The following TGFB3 variants were observed in gnomAD, a reference collection of about 807,000 sequenced individuals.
The protein encoded by TGFB3 is transforming growth factor beta-3 proprotein.
In TGFB3, 5 loss-of-function variants were observed where a neutral mutation model predicts 40.1. The observed-to-expected ratio is 0.12, with a 90% CI of 0.07 to 0.26. The LOEUF (loss-of-function observed/expected upper bound fraction) is 0.26. TGFB3 is among the 10% of genes least tolerant of loss of function. The probability of loss-of-function intolerance (pLI) is 1.00; values close to 1 mark genes in which losing one functional copy is unlikely to be tolerated. For synonymous variants in TGFB3, 184 were observed against 205.6 expected, an observed-to-expected ratio of 0.89 and a Z score of 0.90; for missense variants, 373 against 530.1, an observed-to-expected ratio of 0.70 and a Z score of 2.91.
At chr14:75,961,151 C>A in intron 5 of TGFB3, 75 bp from the exon 6 acceptor site, 1 of 1,552,378 alleles carries the variant, frequency 6.4e-7, no homozygotes. Context: ...CTCTCATATT[C>A]TCCCTTGGAG....
intron 3 of TGFB3, among the ~76,000 whole-genome samples, chr14:75,968,068 G>A (rs2035242480): frequency 6.6e-6 from 1 of 152,258 alleles, no homozygotes. Flanking sequence ...ACAAGGGTAT[G>A]AGACCTGGGT....
intron 3 of TGFB3, chr14:75,970,844 A>G (rs912813091): frequency 1.5e-5 from 6 of 406,814 alleles, no homozygotes; most frequent in African/African-American, 1.0e-4. Flanking sequence ...GAATTTCTTC[A>G]TCATAGAGAC....
intron 3 of TGFB3, chr14:75,966,006 C>A (rs2035217162): frequency 5.1e-6 from 2 of 392,910 alleles, no homozygotes; most frequent in Admixed American, 7.5e-5. Flanking sequence ...AAAATTGTCA[C>A]CTACCTACTT....
At chr14:75,970,808 T>A (rs1354384210) in intron 3 of TGFB3, 1 of 365,388 alleles carries the variant, frequency 2.7e-6, no homozygotes, top group Non-Finnish European at 5.3e-6. Flanking sequence ...ATGGGCTAAA[T>A]CCTTATCATT....
Position 75,980,846 on chromosome 14 carries a change from G to T in TGFB3, c.48C>A (p.Asn16Lys), listed in dbSNP as rs759358916. 2 of 1,614,232 alleles carry T rather than the reference G, an allele frequency of 1.2e-6. 1 individual carries two copies. Among genetic ancestry groups the T allele is most frequent in the South Asian group, 2.2e-5 (2 of 91,088 alleles). ...QRALVVLALL[N>K]FATVSLSLST... The stretch of plus-strand genomic sequence containing the variant: ...ACAGAGAGAGGCTGACCGTGGCAAA[G>T]TTCAGCAGGGCCAGGACCACCAGAG... The change falls in exon 1 of 7, where the codon AAC (asparagine) becomes AAA (lysine). Residue 16 changes from asparagine (N) to lysine (K), a missense_variant. Coordinates refer to ENST00000238682, the MANE Select transcript of TGFB3 (RefSeq NM_003239.5). The surrounding 1 kb of genome is among the most constrained non-coding windows in gnomAD (Gnocchi z 4.3).
At position 75,981,503 on chromosome 14, in the gene TGFB3, G is replaced by T. The variant is rs1349008687; in HGVS notation, c.-610C>A. The T allele has an allele frequency of 5.6e-6, 1 of 177,622 alleles. No homozygotes were observed. The highest frequency in any genetic ancestry group is 1.2e-5 in the Non-Finnish European group (1 of 82,546). 11.0% of individuals were successfully genotyped at this position (177,622 alleles called of 1,614,324 possible). A position where few individuals can be genotyped will look rare whatever the true frequency, so the allele number is the denominator to read the frequency against. On this transcript the variant is annotated 5_prime_UTR_variant, in exon 1 of 7. Coordinates refer to ENST00000238682, the MANE Select transcript of TGFB3 (RefSeq NM_003239.5). This position sits in a 1 kb window ranked among gnomAD's most constrained non-coding sequence, Gnocchi z 4.7. ...AGTTGCTGGCCCAGCTAAAGGTGGG[G>T]GCAGTACAGGACACACTTGTCTCTC... is the stretch of plus-strand genomic sequence containing the variant.
chr14:75,976,868 G>C (rs1379788631), intron 1 of TGFB3, among the ~76,000 whole-genome samples: 1 of 152,166 alleles, frequency 6.6e-6, no homozygotes, highest in Non-Finnish European at 1.5e-5. Context: ...TCTAAGAAAA[G>C]TTTCGCCCTA....
At chr14:75,974,090 A>C (rs1482668653) in intron 1 of TGFB3, among the ~76,000 whole-genome samples, 1 of 151,144 alleles carries the variant, frequency 6.6e-6, no homozygotes, top group Admixed American at 6.6e-5. Flanking sequence ...CAATGAGCTG[A>C]GGTGGTGCCA....
Position 75,958,704 on chromosome 14 carries a change from T to TAAAAAAAAAAAAAAA in TGFB3, c.*468_*482dup, listed in dbSNP as rs199646113. On this transcript the variant is annotated 3_prime_UTR_variant, in exon 7 of 7. Coordinates refer to ENST00000238682, the MANE Select transcript of TGFB3 (RefSeq NM_003239.5). ...GGACTTTGTCTTCGTAACCTGTCTT[T>TAAAAAAAAAAAAAAA]AAAAAAAAAAAAAAAATGCTTGCCT... 5.8e-6 allele frequency: 1 copy of TAAAAAAAAAAAAAAA among 172,234 alleles called. No individual in the cohort carries two copies. The allele number at this position is 172,234 out of a possible 1,614,324, so 10.7% of individuals were successfully genotyped here.
At chr14:75,973,615 C>G (rs1228712915) in intron 1 of TGFB3, among the ~76,000 whole-genome samples, 2 of 152,198 alleles carry the variant, frequency 1.3e-5, no homozygotes, top group African/African-American at 4.8e-5. Context: ...TTTGAAGGAG[C>G]TGTTATTGAT....
rs780051351 is a variant in TGFB3 at position 75,971,682 on chromosome 14, T to C, written c.389A>G (p.Lys130Arg). The C allele has an allele frequency of 1.5e-5, 25 of 1,614,274 alleles. No individual in the cohort carries two copies. Among genetic ancestry groups the C allele is most frequent in the South Asian group, 2.2e-5 (2 of 91,088 alleles). ...TGAGGACACATTGAAGCGGAAAACC[T>C]TGGAGGTAATTCCTTTAGGGCAGAC... ...LAVCPKGITS[K>R]VFRFNVSSVE... The change falls in exon 2 of 7, where the codon AAG (lysine) becomes AGG (arginine). Residue 130 changes from lysine to arginine, a missense_variant. Physicochemically the swap from Lys to Arg is conservative, Grantham distance 26. Coordinates refer to ENST00000238682, the MANE Select transcript of TGFB3 (RefSeq NM_003239.5). This position sits in a 1 kb window ranked among gnomAD's most constrained non-coding sequence, Gnocchi z 4.5.
intron 4 of TGFB3, among the ~76,000 whole-genome samples, chr14:75,963,759 T>A (rs1311183120): frequency 6.6e-6 from 1 of 152,154 alleles, no homozygotes; most frequent in African/African-American, 2.4e-5. Context: ...TGTATAGAAA[T>A]CTTCCAAGGG....
intron 4 of TGFB3, among the ~76,000 whole-genome samples, chr14:75,964,394 G>C: frequency 6.6e-6 from 1 of 152,114 alleles, no homozygotes; most frequent in East Asian, 1.9e-4. Flanking sequence ...ATTCAGATGA[G>C]ATAATGAAGC....
chr14:75,974,779 A>AAAAG (rs571276425), intron 1 of TGFB3, among the ~76,000 whole-genome samples: 6,854 of 147,848 alleles, frequency 0.046, 197 homozygotes, highest in South Asian at 0.065. Flanking sequence ...AAAAAAAAAA[A>AAAAG]AAGAAGAAGA....
intron 5 of TGFB3, 147 bp downstream of exon 5, chr14:75,963,169 G>A: frequency 2.3e-6 from 2 of 884,064 alleles, no homozygotes; most frequent in South Asian, 1.4e-5. Flanking sequence ...GAAAATCTCT[G>A]TGAGAGATTT....
rs1220178968 is a variant in TGFB3, at chr14:75,971,705, G to T, written c.366C>A (p.Val122=). 1.2e-6 allele frequency: 2 copies of T among 1,614,218 alleles called. No individual in the cohort carries two copies. Among genetic ancestry groups the T allele is most frequent in the South Asian group, 1.1e-5 (1 of 91,072 alleles). ...QGLAEHNELA[V]CPKGITSKVF... is the part of the protein sequence containing the mutation. ...CCTTGGAGGTAATTCCTTTAGGGCA[G>T]ACAGCCAGTTCGTCTAGGAGATAAA... is the stretch of plus-strand genomic sequence containing the variant. Residue 122 remains valine, a synonymous_variant, in exon 2 of 7, where the codon GTC becomes GTA. Coordinates refer to ENST00000238682, the MANE Select transcript of TGFB3 (RefSeq NM_003239.5). This position sits in a 1 kb window ranked among gnomAD's most constrained non-coding sequence, Gnocchi z 4.5.
At chr14:75,965,754 C>A (rs1049705582) in intron 3 of TGFB3, 59 bp from the exon 4 acceptor site, 1 of 1,416,676 alleles carries the variant, frequency 7.1e-7, no homozygotes, top group South Asian at 1.2e-5. Context: ...GAAGTGTGCC[C>A]ACCACCCATG....
At chr14:75,974,087 C>T (rs2035324812) in intron 1 of TGFB3, among the ~76,000 whole-genome samples, 1 of 151,996 alleles carries the variant, frequency 6.6e-6, no homozygotes, top group Admixed American at 6.5e-5. Flanking sequence ...TTGCAATGAG[C>T]TGAGGTGGTG....
chr14:75,958,169 A>G lies in TGFB3; in HGVS notation c.*1018T>C, dbSNP rs781432381. 1 of 152,682 alleles carries G rather than the reference A, an allele frequency of 6.5e-6. No homozygotes were observed. Among genetic ancestry groups the G allele is most frequent in the Non-Finnish European group, 1.5e-5 (1 of 68,048 alleles). The allele number at this position is 152,682 out of a possible 1,614,324, so 9.5% of individuals were successfully genotyped here. ...AGATGAAATCATCCAGGATGCCCCA[A>G]AAATATTTATTTATACAAAGATTTT... On this transcript the variant is annotated 3_prime_UTR_variant, in exon 7 of 7. Coordinates refer to ENST00000238682, the MANE Select transcript of TGFB3 (RefSeq NM_003239.5).
Sources: gnomAD v4.1 joint callset for allele counts (sites outside exome capture counted in the v4.1 genomes callset) on GRCh38, gnomAD v4.1.1 for gene constraint, Gnocchi (gnomAD v3.1) non-coding constraint, MANE v1.5 for transcripts, NCBI Gene and HGNC (gene_info 2026-07-23, HGNC 2026-07-21) for gene names.